Variants in CTNNA3 observed in about 807,000 individuals in gnomAD.
CTNNA3 encodes the protein catenin alpha 3.
In CTNNA3, 76 loss-of-function variants were observed where a neutral mutation model predicts 95.7. That is an observed-to-expected ratio of 0.79 (90% CI 0.66 to 0.96). The LOEUF (loss-of-function observed/expected upper bound fraction) is 0.96, where lower values mean the gene tolerates loss of function less well. CTNNA3 is among the 40% of genes least tolerant of loss of function. The pLI, the probability that CTNNA3 is intolerant of heterozygous loss-of-function variation, is 0.00. For missense variants in CTNNA3, 1,191 were observed against 1,089.8 expected (o/e 1.09, Z -1.31); for synonymous variants, 431 against 374.4 (o/e 1.15, Z -1.74).
intron 7 of CTNNA3, among the ~76,000 whole-genome samples, chr10:67,083,395 A>C (rs1413389353): frequency 6.6e-6 from 1 of 151,908 alleles, no homozygotes; most frequent in South Asian, 2.1e-4. Context: ...AATTTGTCTC[A>C]GTGCAAAAAA....
intron 7 of CTNNA3, among the ~76,000 whole-genome samples, chr10:66,968,059 C>A (rs1319962259): frequency 2.0e-5 from 3 of 151,890 alleles, no homozygotes; most frequent in East Asian, 1.9e-4. Context: ...ATGAAGTTAC[C>A]ACTTGGAAGT....
chr10:66,453,318 C>A (rs929719189), intron 11 of CTNNA3, among the ~76,000 whole-genome samples: 1 of 152,086 alleles, frequency 6.6e-6, no homozygotes, highest in Non-Finnish European at 1.5e-5. Flanking sequence ...GTTTATTAAA[C>A]TCTCTATTGC....
At chr10:66,813,819 T>G (rs980383976) in intron 7 of CTNNA3, among the ~76,000 whole-genome samples, 1 of 144,538 alleles carries the variant, frequency 6.9e-6, no homozygotes, top group Non-Finnish European at 1.5e-5. Flanking sequence ...GAAAGACTAT[T>G]TGGGGGAAGG....
chr10:66,781,842 A>G (rs1840547437), intron 7 of CTNNA3, among the ~76,000 whole-genome samples: 1 of 152,146 alleles, frequency 6.6e-6, no homozygotes, highest in Non-Finnish European at 1.5e-5. Flanking sequence ...GCTGTTCACA[A>G]TAACTCTACA....
intron 5 of CTNNA3, among the ~76,000 whole-genome samples, chr10:67,319,589 T>C (rs1324964267): frequency 6.6e-6 from 1 of 152,098 alleles, no homozygotes; most frequent in Non-Finnish European, 1.5e-5. Flanking sequence ...TCCTTATAAT[T>C]TGAAGATTCA....
At position 66,001,262 on chromosome 10, in the gene CTNNA3, C is replaced by G. The variant is rs553954324; in HGVS notation, c.2160-12465G>C. 2.6e-5 allele frequency among the ~76,000 whole-genome samples: 4 copies of G among 152,194 alleles called. No individual in the cohort carries two copies. The East Asian group carries it at 7.7e-4, about 29-fold the overall frequency. On this transcript the variant is annotated intron_variant, in intron 15 of 17. Coordinates refer to ENST00000433211, the MANE Select transcript of CTNNA3 (RefSeq NM_013266.4). ...TCTTTCTGTCTCTTATTCCCATTAC[C>G]CTTCCTCCCTCTCTCCTTCTCCCTG... is the stretch of plus-strand genomic sequence containing the variant.
intron 7 of CTNNA3, among the ~76,000 whole-genome samples, chr10:67,023,567 G>A (rs1473330996): frequency 6.6e-6 from 1 of 152,122 alleles, no homozygotes; most frequent in African/African-American, 2.4e-5. Flanking sequence ...CCCAAGCAAA[G>A]TCTAATGCTG....
At chr10:67,481,640 T>C (rs540707025) in intron 5 of CTNNA3, among the ~76,000 whole-genome samples, 114 of 152,322 alleles carry the variant, frequency 7.5e-4, no homozygotes, top group African/African-American at 2.7e-3. Context: ...TTGTAGATTC[T>C]GGATATTAGC....
At chr10:67,328,121 C>T (rs971469069) in intron 5 of CTNNA3, among the ~76,000 whole-genome samples, 40 of 152,064 alleles carry the variant, frequency 2.6e-4, no homozygotes, top group African/African-American at 9.4e-4. Context: ...AAAGCAAAAC[C>T]CACCTCCACA....
chr10:66,791,198 A>C (rs1406150240), intron 7 of CTNNA3, among the ~76,000 whole-genome samples: 1 of 152,228 alleles, frequency 6.6e-6, no homozygotes, highest in East Asian at 1.9e-4. Context: ...TCCATTTAAA[A>C]CCCCTTAACG....
At chr10:66,810,546 C>T (rs1841834222) in intron 7 of CTNNA3, among the ~76,000 whole-genome samples, 1 of 152,176 alleles carries the variant, frequency 6.6e-6, no homozygotes, top group South Asian at 2.1e-4. Flanking sequence ...ATCTCTTTGC[C>T]CACAGATTTC....
intron 15 of CTNNA3, among the ~76,000 whole-genome samples, chr10:66,005,563 G>T (rs1429824116): frequency 6.6e-6 from 1 of 152,028 alleles, no homozygotes; most frequent in Non-Finnish European, 1.5e-5. Context: ...AGACCTGAGA[G>T]AACCAGAATT....
At chr10:67,220,863 A>T (rs927345937) in intron 5 of CTNNA3, among the ~76,000 whole-genome samples, 2 of 152,172 alleles carry the variant, frequency 1.3e-5, no homozygotes, top group Non-Finnish European at 1.5e-5. Flanking sequence ...ATACTGTGAC[A>T]GGAAAAGTAT....
chr10:66,831,131 T>G lies in CTNNA3; in HGVS notation c.1048-55607A>C, dbSNP rs1263855717. Reference sequence around the variant, plus strand: ...TCCTCTTTCACCTGGACTACTACAATAATCAATCTTATGTCCTTCCAAATA... The same window carrying G: ...TCCTCTTTCACCTGGACTACTACAAGAATCAATCTTATGTCCTTCCAAATA... On this transcript the variant is annotated intron_variant, in intron 7 of 17. Coordinates refer to ENST00000433211, the MANE Select transcript of CTNNA3 (RefSeq NM_013266.4). 1.2e-4 allele frequency among the ~76,000 whole-genome samples: 19 copies of G among 152,274 alleles called. 1 individual carries two copies. The highest frequency in any genetic ancestry group is 3.4e-3 in the Middle Eastern group (1 of 294).
intron 13 of CTNNA3, among the ~76,000 whole-genome samples, chr10:66,205,193 T>C (rs2087681016): frequency 6.6e-6 from 1 of 152,116 alleles, no homozygotes; most frequent in Non-Finnish European, 1.5e-5. Flanking sequence ...GTTTAATTTC[T>C]ATAGTACAGT....
rs1318327667 is a variant in CTNNA3 at position 67,691,746 on chromosome 10, G to A, written c.-6+4254C>T. Among the ~76,000 whole-genome samples, 26 of 150,326 alleles carry A rather than the reference G, an allele frequency of 1.7e-4. No individual in the cohort carries two copies. In the East Asian group the frequency reaches 4.5e-3, roughly 26 times the overall value. ...AGTGTCTCCGCCCGGCAGCCACCTC[G>A]TCCGGGAGGGAGGTGGGGGGGTCAG... On this transcript the variant is annotated intron_variant, in intron 1 of 17. Coordinates refer to ENST00000433211, the MANE Select transcript of CTNNA3 (RefSeq NM_013266.4).
chr10:66,129,799 C>T (rs1209418384), intron 13 of CTNNA3, among the ~76,000 whole-genome samples: 1 of 152,072 alleles, frequency 6.6e-6, no homozygotes, highest in Non-Finnish European at 1.5e-5. Context: ...CTGCAGCCTC[C>T]CCCAGCCACT....
At chr10:66,515,123 G>A (rs1051077220) in intron 11 of CTNNA3, among the ~76,000 whole-genome samples, 9 of 151,942 alleles carry the variant, frequency 5.9e-5, no homozygotes, top group Admixed American at 2.0e-4. Flanking sequence ...ATAGTTTAAA[G>A]TCTAAGAGTC....
chr10:66,545,830 T>C (rs1842018552), intron 10 of CTNNA3, among the ~76,000 whole-genome samples: 1 of 151,954 alleles, frequency 6.6e-6, no homozygotes, highest in Admixed American at 6.6e-5. Context: ...TTGTTATTAG[T>C]ATATTTAAGT....
Sources: allele counts gnomAD v4.1 joint callset (sites outside exome capture counted in the v4.1 genomes callset), GRCh38; gene constraint gnomAD v4.1.1; transcripts MANE v1.5; gene names NCBI Gene and HGNC (gene_info 2026-07-23, HGNC 2026-07-21).